The following CYFIP1 variants were observed in gnomAD, a reference collection of about 807,000 sequenced individuals.
The protein encoded by CYFIP1 is cytoplasmic FMR1 interacting protein 1.
A neutral mutation model predicts 163.5 loss-of-function variants in CYFIP1; 58 were observed. The ratio of observed to expected loss-of-function variants is 0.35; its 90% CI spans 0.29 to 0.44. The LOEUF (loss-of-function observed/expected upper bound fraction) is 0.44, where lower values mean the gene tolerates loss of function less well. Ranked by LOEUF, CYFIP1 falls within the 20% of genes least tolerant of loss-of-function variation. The probability of loss-of-function intolerance (pLI) is 1.00; values close to 1 mark genes in which losing one functional copy is unlikely to be tolerated. For missense variants in CYFIP1, 1,338 were observed against 1,653.8 expected, an observed-to-expected ratio of 0.81 and a Z score of 3.31; for synonymous variants, 663 against 660.7, an observed-to-expected ratio of 1.00 and a Z score of -0.05.
chr15:22,937,129 A>G lies in CYFIP1; in HGVS notation c.875T>C (p.Leu292Ser). ...CTTGAAGTACTTGTCGATTTTGGAT[A>G]AGTTTATTCTTTTCTTGGCATCCAA... The part of the protein sequence containing the change: ...YKLDAKKRIN[L>S]SKIDKYFKQL... Residue 292 changes from leucine to serine, a missense_variant, in exon 9 of 31, where the codon TTA becomes TCA. Leu to Ser is a moderately radical substitution (Grantham distance 145). Around this residue, in one of 4 missense-constraint regions of CYFIP1, gnomAD observed 824 missense variants for 995.7 expected, o/e 0.83. Transcript: ENST00000617928. The G allele has an allele frequency of 6.2e-7, 1 of 1,610,872 alleles. No individual in the cohort carries two copies. The highest frequency in any genetic ancestry group is 8.5e-7 in the Non-Finnish European group (1 of 1,177,010).
intron 1 of CYFIP1, among the ~76,000 whole-genome samples, chr15:22,957,487 T>A (rs1470283598): frequency 1.3e-5 from 2 of 152,098 alleles, no homozygotes; most frequent in Non-Finnish European, 2.9e-5. Flanking sequence ...ATACAAAAAA[T>A]TAGCCAGGCA....
At chr15:22,893,320 ACGGCGACGCCC>A (rs900793041) in intron 22 of CYFIP1, among the ~76,000 whole-genome samples, 2 of 151,960 alleles carry the variant, frequency 1.3e-5, no homozygotes, top group Non-Finnish European at 2.9e-5. Context: ...TGTGACGAGA[ACGGCGACGCCC>A]CGGTGGTTCA....
rs191834695 is a variant in CYFIP1, at chr15:22,946,596, G to A, written c.207+407C>T. ...GCGGAGGTTGCAGTGAACCAAGATC[G>A]CGCCACTGTACTCCAGCCTGGGTGG... On this transcript the variant is annotated intron_variant, in intron 3 of 30. Coordinates refer to ENST00000617928, the MANE Select transcript of CYFIP1 (RefSeq NM_014608.6). The A allele has an allele frequency of 3.1e-3, 994 of 325,550 alleles. 9 individuals carry two copies. The highest frequency in any genetic ancestry group is 0.02 in the African/African-American group (936 of 46,480). 20.2% of individuals were successfully genotyped at this position (325,550 alleles called of 1,614,324 possible).
chr15:22,963,560 A>ATAACATAACATAACAT (rs199915541), intron 1 of CYFIP1, among the ~76,000 whole-genome samples: 55 of 118,838 alleles, frequency 4.6e-4, no homozygotes, highest in African/African-American at 9.3e-4. Context: ...ATAACATAAG[A>ATAACATAACATAACAT]AAGAATGAAA....
At chr15:22,943,872 C>A (rs187358524) in intron 5 of CYFIP1, among the ~76,000 whole-genome samples, 10 of 152,220 alleles carry the variant, frequency 6.6e-5, no homozygotes, top group African/African-American at 2.4e-4. Flanking sequence ...AAGGCCAGGG[C>A]GAGGACCACC....
intron 23 of CYFIP1, among the ~76,000 whole-genome samples, chr15:22,888,615 C>T (rs1407192240): frequency 6.6e-6 from 1 of 152,056 alleles, no homozygotes; most frequent in East Asian, 1.9e-4. Context: ...GCCTGTAGTC[C>T]CAGCCACTTG....
intron 1 of CYFIP1, among the ~76,000 whole-genome samples, chr15:22,976,380 A>G (rs1055932593): frequency 4.6e-5 from 7 of 151,912 alleles, no homozygotes; most frequent in Non-Finnish European, 1.0e-4. Context: ...CTGGTCTCGA[A>G]CTCCTGCCCT....
intron 1 of CYFIP1, among the ~76,000 whole-genome samples, chr15:22,953,194 C>T (rs1484973530): frequency 6.6e-6 from 1 of 152,202 alleles, no homozygotes; most frequent in Non-Finnish European, 1.5e-5. Flanking sequence ...GCCCTGGCAG[C>T]GTGGGTGCAG....
chr15:22,914,969 G>A, intron 16 of CYFIP1, 87 bp from the exon 17 acceptor site: 2 of 1,381,930 alleles, frequency 1.4e-6, no homozygotes, highest in Non-Finnish European at 1.9e-6. Context: ...TGTGCTGGGT[G>A]CCTGCTCCTC....
intron 1 of CYFIP1, among the ~76,000 whole-genome samples, chr15:22,975,818 G>A (rs1033987674): frequency 2.6e-5 from 4 of 152,282 alleles, no homozygotes; most frequent in African/African-American, 7.2e-5. Context: ...TAACCCCCTC[G>A]TTCACAGGCC....
intron 6 of CYFIP1, among the ~76,000 whole-genome samples, chr15:22,939,989 T>A (rs1475093225): frequency 6.6e-6 from 1 of 152,136 alleles, no homozygotes; most frequent in African/African-American, 2.4e-5. Flanking sequence ...ACCACTGGTG[T>A]CCAAGGTCCT....
In CYFIP1 at chr15:22,954,260, T is replaced by G. The variant is rs530248811; in HGVS notation, c.-6-6969A>C. 2.6e-5 allele frequency among the ~76,000 whole-genome samples: 4 copies of G among 152,206 alleles called. No individual in the cohort carries two copies. In the South Asian group the frequency reaches 8.3e-4, roughly 32 times the overall value. On this transcript the variant is annotated intron_variant, in intron 1 of 30. Coordinates refer to ENST00000617928, the MANE Select transcript of CYFIP1 (RefSeq NM_014608.6). ...GAGGCCAACCCTGCTGGCCCCCTGA[T>G]CTCAGACTCCCAGCTCCAGAACTGA...
intron 29 of CYFIP1, 40 bp from the exon 30 acceptor site, chr15:22,873,012 T>TA (rs758070050): frequency 1.4e-5 from 22 of 1,608,570 alleles, no homozygotes; most frequent in Non-Finnish European, 3.4e-6. Flanking sequence ...AGATGAGTGA[T>TA]ACGTTATGAA....
chr15:22,930,397 A>G (rs1302769837), intron 11 of CYFIP1, among the ~76,000 whole-genome samples: 9,921 of 150,508 alleles, frequency 0.066, 470 homozygotes, highest in Middle Eastern at 0.11. Context: ...CCCAAAAAAA[A>G]AAAAAAAAAA....
chr15:22,968,981 A>G (rs2063000581), intron 1 of CYFIP1, among the ~76,000 whole-genome samples: 1 of 152,128 alleles, frequency 6.6e-6, no homozygotes, highest in Non-Finnish European at 1.5e-5. Flanking sequence ...TCCTTCTGTG[A>G]GTATCTTCAA....
At position 22,922,767 on chromosome 15, in the gene CYFIP1, A is replaced by G. The variant is rs145211030; in HGVS notation, c.1359+3215T>C. Among the ~76,000 whole-genome samples, 1,516 of 152,328 alleles carry G rather than the reference A, an allele frequency of 1.0e-2. 13 individuals are homozygous for G. The highest frequency in any genetic ancestry group is 0.017 in the Non-Finnish European group (1,159 of 68,026). On this transcript the variant is annotated intron_variant, in intron 13 of 30. Coordinates refer to ENST00000617928, the MANE Select transcript of CYFIP1 (RefSeq NM_014608.6). The stretch of plus-strand genomic sequence containing the variant: ...ACCACTTTGGGAGGCAAAGGCGGGT[A>G]GATCACCTGAGGTGAGGGGTTCAGG...
chr15:22,971,664 A>G (rs1312671041), intron 1 of CYFIP1, among the ~76,000 whole-genome samples: 1 of 150,890 alleles, frequency 6.6e-6, no homozygotes, highest in Non-Finnish European at 1.5e-5. Flanking sequence ...CAACAAGACC[A>G]AAACTCTGTC....
At chr15:22,887,532 AATTC>A (rs555753341) in intron 23 of CYFIP1, among the ~76,000 whole-genome samples, 1 of 152,316 alleles carries the variant, frequency 6.6e-6, no homozygotes, top group Non-Finnish European at 1.5e-5. Flanking sequence ...CAAGTGAGAG[AATTC>A]ATTCTCAGAC....
At chr15:22,899,497 T>C (rs1357452642) in intron 22 of CYFIP1, among the ~76,000 whole-genome samples, 1 of 152,032 alleles carries the variant, frequency 6.6e-6, no homozygotes, top group Non-Finnish European at 1.5e-5. Context: ...TTTTTCATGA[T>C]TGTGAGTGAG....
Sources: gnomAD v4.1 joint callset for allele counts (sites outside exome capture counted in the v4.1 genomes callset) on GRCh38, gnomAD v4.1.1 for gene constraint, gnomAD v4.1.1 regional missense constraint, MANE v1.5 for transcripts, NCBI Gene and HGNC (gene_info 2026-07-23, HGNC 2026-07-21) for gene names.